Variants in PDGFD observed in about 807,000 individuals in gnomAD.
PDGFD encodes the protein platelet-derived growth factor D.
Under a neutral mutation model 44.7 loss-of-function variants are expected in PDGFD, and 30 were observed. The ratio of observed to expected loss-of-function variants is 0.67; its 90% CI spans 0.50 to 0.91. The LOEUF (loss-of-function observed/expected upper bound fraction) is 0.91, where lower values mean the gene tolerates loss of function less well. Ranked by LOEUF, PDGFD falls within the 40% of genes least tolerant of loss-of-function variation. The pLI, the probability that PDGFD is intolerant of heterozygous loss-of-function variation, is 0.00. For synonymous variants in PDGFD, 173 were observed against 168.4 expected, an observed-to-expected ratio of 1.03 and a Z score of -0.21; for missense variants, 445 against 457.8, an observed-to-expected ratio of 0.97 and a Z score of 0.25.
chr11:103,917,595 ATTT>A (rs547496079), intron 6 of PDGFD, among the ~76,000 whole-genome samples: 1 of 146,190 alleles, frequency 6.8e-6, no homozygotes, highest in Non-Finnish European at 1.5e-5. Flanking sequence ...CACAGGCACT[ATTT>A]TTTTTTTTCT....
At chr11:104,006,153 G>A (rs955522102) in intron 1 of PDGFD, among the ~76,000 whole-genome samples, 2 of 152,124 alleles carry the variant, frequency 1.3e-5, no homozygotes, top group African/African-American at 4.8e-5. Flanking sequence ...TTTGCTATAT[G>A]TGGTCCCCAG....
chr11:103,933,201 G>A (rs748123237), intron 5 of PDGFD, among the ~76,000 whole-genome samples: 1 of 152,146 alleles, frequency 6.6e-6, no homozygotes, highest in Non-Finnish European at 1.5e-5. Flanking sequence ...GGTGGGAGGT[G>A]AGGGGACTAT....
At chr11:104,116,072 A>G (rs758885751) in intron 1 of PDGFD, among the ~76,000 whole-genome samples, 3 of 151,870 alleles carry the variant, frequency 2.0e-5, no homozygotes, top group Non-Finnish European at 4.4e-5. Context: ...TTTTATTGCA[A>G]TTGCTTTTGG....
At chr11:104,037,547 C>G (rs115980066) in intron 1 of PDGFD, 2 of 1,613,834 alleles carry the variant, frequency 1.2e-6, no homozygotes, top group African/African-American at 1.3e-5. Flanking sequence ...GGACAAGTGA[C>G]GATGCTCTAC....
rs1861988073 is a variant in PDGFD, at chr11:104,135,298, G to A, written c.124+28506C>T. 2.0e-5 allele frequency among the ~76,000 whole-genome samples: 3 copies of A among 152,182 alleles called. No individual in the cohort carries two copies. In the South Asian group the frequency reaches 6.2e-4, roughly 31 times the overall value. On this transcript the variant is annotated intron_variant, in intron 1 of 6. Coordinates refer to ENST00000393158, the MANE Select transcript of PDGFD (RefSeq NM_025208.5). ...AAGGCCTGGGGCAGCCAAATGCAGG[G>A]GCACCTATCTCAATACTAAGGGAAC...
intron 1 of PDGFD, among the ~76,000 whole-genome samples, chr11:104,142,418 CAT>C (rs1231435122): frequency 4.6e-5 from 7 of 151,854 alleles, no homozygotes; most frequent in African/African-American, 1.7e-4. Context: ...TAATATTTAA[CAT>C]ATATATGTAC....
chr11:104,053,031 G>T (rs914846672), intron 1 of PDGFD, among the ~76,000 whole-genome samples: 2 of 152,064 alleles, frequency 1.3e-5, no homozygotes, highest in African/African-American at 2.4e-5. Flanking sequence ...TTAACCCAAA[G>T]TTTTCTAATT....
At position 103,909,064 on chromosome 11, in the gene PDGFD, A is replaced by G. The variant is rs1489173485; in HGVS notation, c.*630T>C. On this transcript the variant is annotated 3_prime_UTR_variant, in exon 7 of 7. Transcript: ENST00000393158. ...GGCATGGTTTTGGAGACAGGTTATT[A>G]TAGTCCACATAGGTAAGTATGCAGT... 6.6e-6 allele frequency: 1 copy of G among 152,254 alleles called. No individual in the cohort carries two copies. The highest frequency in any genetic ancestry group is 2.4e-5 in the African/African-American group (1 of 41,464). 9.4% of individuals were successfully genotyped at this position (152,254 alleles called of 1,614,324 possible). A position where few individuals can be genotyped will look rare whatever the true frequency, so the allele number is the denominator to read the frequency against.
chr11:104,148,651 T>G (rs913571367), intron 1 of PDGFD, among the ~76,000 whole-genome samples: 4 of 152,150 alleles, frequency 2.6e-5, no homozygotes, highest in Admixed American at 1.3e-4. Context: ...CAGGTAAACT[T>G]GTGTCATGGG....
intron 1 of PDGFD, among the ~76,000 whole-genome samples, chr11:104,084,809 G>A (rs1305470944): frequency 7.0e-6 from 1 of 142,798 alleles, no homozygotes; most frequent in Non-Finnish European, 1.5e-5. Flanking sequence ...TATTTTATAA[G>A]TATTATAAAA....
intron 1 of PDGFD, among the ~76,000 whole-genome samples, chr11:104,099,472 T>C (rs978750798): frequency 5.3e-5 from 8 of 151,772 alleles, no homozygotes; most frequent in Admixed American, 2.0e-4. Flanking sequence ...AAATGCTGTC[T>C]CTACAAAAAA....
intron 3 of PDGFD, among the ~76,000 whole-genome samples, chr11:103,963,623 G>T (rs914593542): frequency 6.6e-6 from 1 of 152,074 alleles, no homozygotes; most frequent in African/African-American, 2.4e-5. Flanking sequence ...CCAAACAGCC[G>T]ATTTGGCATG....
At chr11:104,041,731 G>C (rs2134399557) in intron 1 of PDGFD, among the ~76,000 whole-genome samples, 1 of 152,282 alleles carries the variant, frequency 6.6e-6, no homozygotes, top group South Asian at 2.1e-4. Context: ...GATGTTGTTT[G>C]AGATAAGCAG....
In PDGFD at chr11:104,103,462, G is replaced by GTGTGTATATA. The variant is rs1041388346; in HGVS notation, c.124+60341_124+60342insTATATACACA. Among the ~76,000 whole-genome samples the GTGTGTATATA allele has an allele frequency of 6.3e-3, 839 of 133,106 alleles. 4 individuals carry two copies. The highest frequency in any genetic ancestry group is 0.021 in the Middle Eastern group (5 of 234). The allele number at this position is 133,106 out of a possible 152,430, so 87.3% of individuals were successfully genotyped here. A position where few individuals can be genotyped will look rare whatever the true frequency, so the allele number is the denominator to read the frequency against. On this transcript the variant is annotated intron_variant, in intron 1 of 6. Coordinates refer to ENST00000393158, the MANE Select transcript of PDGFD (RefSeq NM_025208.5). ...AACAGACAATTATGTGTGTGTGTGT[G>GTGTGTATATA]TATATATATATATATATATATATAT...
chr11:104,118,153 G>A (rs964921714), intron 1 of PDGFD, among the ~76,000 whole-genome samples: 1 of 151,894 alleles, frequency 6.6e-6, no homozygotes, highest in African/African-American at 2.4e-5. Context: ...TGGACTGAAT[G>A]TTTGTGCCCC....
At chr11:104,064,919 T>G (rs1392902769) in intron 1 of PDGFD, among the ~76,000 whole-genome samples, 1 of 152,196 alleles carries the variant, frequency 6.6e-6, no homozygotes, top group Non-Finnish European at 1.5e-5. Flanking sequence ...ATACAAAGCA[T>G]TGTTCCTGGG....
chr11:103,994,108 T>G (rs184579083), intron 3 of PDGFD, among the ~76,000 whole-genome samples: 9 of 152,308 alleles, frequency 5.9e-5, no homozygotes, highest in Admixed American at 4.6e-4. Context: ...CATTCTCCCT[T>G]AAAACTGTAT....
intron 1 of PDGFD, among the ~76,000 whole-genome samples, chr11:104,008,507 A>G (rs1398974811): frequency 1.3e-5 from 2 of 152,178 alleles, no homozygotes; most frequent in East Asian, 3.8e-4. Flanking sequence ...AAAGTGTCCC[A>G]GGCACATAAT....
intron 1 of PDGFD, chr11:104,038,138 A>G: frequency 1.1e-6 from 1 of 945,954 alleles, no homozygotes; most frequent in African/African-American, 1.6e-5. Context: ...CCTTGGGACT[A>G]CGTTCTCAGA....
Sources: gnomAD v4.1 joint callset for allele counts (sites outside exome capture counted in the v4.1 genomes callset) on GRCh38, gnomAD v4.1.1 for gene constraint, MANE v1.5 for transcripts, NCBI Gene and HGNC (gene_info 2026-07-23, HGNC 2026-07-21) for gene names.